The following DLGAP2 variants were observed in gnomAD, a reference collection of about 807,000 sequenced individuals.
DLGAP2 encodes the protein disks large-associated protein 2.
In DLGAP2, 26 loss-of-function variants were observed where a neutral mutation model predicts 100.3. That is an observed-to-expected ratio of 0.26 (90% CI 0.19 to 0.36). The LOEUF (loss-of-function observed/expected upper bound fraction) is 0.36. Among genes scored for constraint, DLGAP2 ranks in the 10% least tolerant of loss-of-function variants. DLGAP2 has a pLI of 1.00. For synonymous variants in DLGAP2, 886 were observed against 630.1 expected (o/e 1.41, Z -6.08); for missense variants, 1,858 against 1,453.2 (o/e 1.28, Z -4.53).
chr8:1,062,263 A>G (rs1803106968), intron 2 of DLGAP2, among the ~76,000 whole-genome samples: 1 of 152,134 alleles, frequency 6.6e-6, no homozygotes, highest in South Asian at 2.1e-4. Context: ...CATGCATCGC[A>G]GTCCTGTGCC....
At chr8:1,473,452 C>T (rs986510328) in intron 3 of DLGAP2, among the ~76,000 whole-genome samples, 4 of 152,054 alleles carry the variant, frequency 2.6e-5, no homozygotes, top group African/African-American at 9.7e-5. Flanking sequence ...GTAAAACAAC[C>T]AGAAAATGGC....
chr8:1,271,592 A>G (rs1167543927), intron 3 of DLGAP2, among the ~76,000 whole-genome samples: 1 of 152,218 alleles, frequency 6.6e-6, no homozygotes, highest in Non-Finnish European at 1.5e-5. Flanking sequence ...AGTTGTAAAT[A>G]CAGCAATGGT....
intron 2 of DLGAP2, among the ~76,000 whole-genome samples, chr8:1,166,179 C>T (rs1468073049): frequency 2.0e-5 from 3 of 152,116 alleles, no homozygotes; most frequent in Non-Finnish European, 4.4e-5. Context: ...TGTCTTACAG[C>T]GTCTGAATTT....
chr8:986,884 T>C (rs1800503446), intron 2 of DLGAP2, among the ~76,000 whole-genome samples: 1 of 152,142 alleles, frequency 6.6e-6, no homozygotes, highest in South Asian at 2.1e-4. Flanking sequence ...GGTCTCAAAC[T>C]CCTGACCTCC....
At chr8:812,118 G>C (rs1796382917) in intron 1 of DLGAP2, among the ~76,000 whole-genome samples, 1 of 152,204 alleles carries the variant, frequency 6.6e-6, no homozygotes, top group African/African-American at 2.4e-5. Flanking sequence ...GAAGGAGAGA[G>C]AGATTTAATG....
At chr8:1,164,872 T>A (rs1372808363) in intron 2 of DLGAP2, among the ~76,000 whole-genome samples, 2 of 152,186 alleles carry the variant, frequency 1.3e-5, no homozygotes, top group Non-Finnish European at 2.9e-5. Flanking sequence ...CCAGTCTCTC[T>A]GTGGTCTCAC....
At chr8:1,079,481 C>T (rs887265240) in intron 2 of DLGAP2, among the ~76,000 whole-genome samples, 1 of 152,170 alleles carries the variant, frequency 6.6e-6, no homozygotes, top group African/African-American at 2.4e-5. Flanking sequence ...TGGTTGCTTA[C>T]TGAGAAACAG....
chr8:1,367,607 T>C (rs1802137068), intron 3 of DLGAP2, among the ~76,000 whole-genome samples: 2 of 152,224 alleles, frequency 1.3e-5, no homozygotes, highest in South Asian at 4.1e-4. Flanking sequence ...AGGAAAGGCA[T>C]AGCTCACATG....
chr8:1,250,450 G>C (rs149577854), intron 2 of DLGAP2: 1 of 152,284 alleles, frequency 6.6e-6, no homozygotes, highest in East Asian at 1.9e-4. Flanking sequence ...CGTGGTAGAT[G>C]TTCAGTCATG....
At chr8:1,648,660 C>T (rs992926799) in intron 8 of DLGAP2, among the ~76,000 whole-genome samples, 1 of 152,146 alleles carries the variant, frequency 6.6e-6, no homozygotes, top group Non-Finnish European at 1.5e-5. Context: ...GGACAGGGGC[C>T]GTGTTCTGCA....
chr8:1,329,000 T>C (rs865827311), intron 3 of DLGAP2, among the ~76,000 whole-genome samples: 89 of 152,348 alleles, frequency 5.8e-4, no homozygotes, highest in African/African-American at 1.9e-3. Context: ...CAGCCTTAGA[T>C]CTGCAGGCAG....
intron 3 of DLGAP2, among the ~76,000 whole-genome samples, chr8:1,287,698 T>TTAGGAGGGGAACTA (rs1799971425): frequency 5.5e-4 from 12 of 22,006 alleles, no homozygotes; most frequent in African/African-American, 1.7e-3. Context: ...CGGTTCAGTG[T>TTAGGAGGGGAACTA]GTGTGTGTGT....
chr8:1,690,884 A>T (rs1302750179), intron 12 of DLGAP2, among the ~76,000 whole-genome samples: 1 of 152,088 alleles, frequency 6.6e-6, no homozygotes, highest in East Asian at 1.9e-4. Context: ...TGAGTTTAGT[A>T]GCTGTGAGCA....
intron 1 of DLGAP2, among the ~76,000 whole-genome samples, chr8:753,107 G>A (rs1471324109): frequency 1.3e-5 from 2 of 152,180 alleles, no homozygotes; most frequent in African/African-American, 2.4e-5. Context: ...GAGGTGTTGA[G>A]AAGCCAGGAG....
intron 2 of DLGAP2, among the ~76,000 whole-genome samples, chr8:1,138,517 G>C (rs555333211): frequency 6.6e-6 from 1 of 152,358 alleles, no homozygotes; most frequent in South Asian, 2.1e-4. Context: ...AATAGAGCAG[G>C]CTGGGGTGGG....
chr8:1,487,712 G>C (rs921658079), intron 3 of DLGAP2, among the ~76,000 whole-genome samples: 11 of 152,190 alleles, frequency 7.2e-5, no homozygotes, highest in African/African-American at 2.7e-4. Flanking sequence ...GAGCCCGCAG[G>C]CCAGGTCCCA....
chr8:1,134,770 G>A (rs912787347), intron 2 of DLGAP2, among the ~76,000 whole-genome samples: 1 of 152,024 alleles, frequency 6.6e-6, no homozygotes, highest in African/African-American at 2.4e-5. Flanking sequence ...ATTACGTGGC[G>A]GCAGGCGAGG....
intron 10 of DLGAP2, among the ~76,000 whole-genome samples, chr8:1,670,189 C>T (rs1798655770): frequency 6.6e-6 from 1 of 152,232 alleles, no homozygotes; most frequent in Admixed American, 6.5e-5. Flanking sequence ...CCAGCCACGA[C>T]TGAGGCAGTG....
intron 3 of DLGAP2, among the ~76,000 whole-genome samples, chr8:1,418,904 T>C (rs547954001): frequency 6.6e-6 from 1 of 152,276 alleles, no homozygotes; most frequent in East Asian, 1.9e-4. Context: ...CTACCTCCAG[T>C]TCAGTGATTT....
Sources: gnomAD v4.1 joint callset for allele counts (sites outside exome capture counted in the v4.1 genomes callset) on GRCh38, gnomAD v4.1.1 for gene constraint, MANE v1.5 for transcripts, NCBI Gene and HGNC (gene_info 2026-07-23, HGNC 2026-07-21) for gene names.